The following SLC24A3 variants were observed in gnomAD, a reference collection of about 807,000 sequenced individuals.
The protein encoded by SLC24A3 is sodium/potassium/calcium exchanger 3.
SLC24A3 carries 28 observed loss-of-function variants against 75.8 expected under a neutral mutation model. The observed-to-expected ratio is 0.37, with a 90% CI of 0.27 to 0.51. The LOEUF (loss-of-function observed/expected upper bound fraction) is 0.51, where lower values mean the gene tolerates loss of function less well. Among genes scored for constraint, SLC24A3 ranks in the 20% least tolerant of loss-of-function variants. The probability of loss-of-function intolerance (pLI) is 0.94; values close to 1 mark genes in which losing one functional copy is unlikely to be tolerated. For missense variants in SLC24A3, 663 were observed against 847.8 expected (o/e 0.78, Z 2.71); for synonymous variants, 372 against 334.1 (o/e 1.11, Z -1.24).
At chr20:19,252,647 G>GGGGT (rs1555783975) in intron 1 of SLC24A3, among the ~76,000 whole-genome samples, 2 of 148,088 alleles carry the variant, frequency 1.4e-5, no homozygotes, top group African/African-American at 5.1e-5. Context: ...GAATGGCGGG[G>GGGGT]GGGGGTGCCT....
intron 2 of SLC24A3, among the ~76,000 whole-genome samples, chr20:19,359,776 C>A (rs1289760353): frequency 2.0e-5 from 3 of 152,088 alleles, no homozygotes; most frequent in Non-Finnish European, 4.4e-5. Flanking sequence ...TTGGGGATGG[C>A]TTAGTTAGGG....
chr20:19,288,593 A>C (rs1286873568), intron 2 of SLC24A3, among the ~76,000 whole-genome samples: 1 of 152,182 alleles, frequency 6.6e-6, no homozygotes, highest in Non-Finnish European at 1.5e-5. Flanking sequence ...AGCTCATTGG[A>C]ACATGTTTGG....
intron 2 of SLC24A3, among the ~76,000 whole-genome samples, chr20:19,464,056 T>A (rs1366490590): frequency 6.6e-6 from 1 of 152,162 alleles, no homozygotes; most frequent in African/African-American, 2.4e-5. Flanking sequence ...CATTGGAAGT[T>A]AGTAGTTTTT....
chr20:19,422,714 C>T (rs960941482), intron 2 of SLC24A3, among the ~76,000 whole-genome samples: 1 of 152,160 alleles, frequency 6.6e-6, no homozygotes, highest in Admixed American at 6.5e-5. Context: ...CAATGAGCAG[C>T]CACAGCTTAT....
chr20:19,343,410 G>A (rs1458650204), intron 2 of SLC24A3, among the ~76,000 whole-genome samples: 1 of 152,192 alleles, frequency 6.6e-6, no homozygotes, highest in African/African-American at 2.4e-5. Flanking sequence ...TATGGGGGAA[G>A]GTTAAATGAA....
At chr20:19,352,632 CCT>C (rs1483281998) in intron 2 of SLC24A3, among the ~76,000 whole-genome samples, 1 of 152,132 alleles carries the variant, frequency 6.6e-6, no homozygotes, top group East Asian at 1.9e-4. Flanking sequence ...AACTCAGATC[CCT>C]CTTTCTTGGT....
chr20:19,641,658 G>A (rs1427895668), intron 6 of SLC24A3, among the ~76,000 whole-genome samples: 1 of 152,142 alleles, frequency 6.6e-6, no homozygotes, highest in Admixed American at 6.5e-5. Context: ...GGGAGCAGTG[G>A]TCTCAGTCCC....
Position 19,218,828 on chromosome 20 carries a change from T to C in SLC24A3, c.142+5844T>C, listed in dbSNP as rs371146889. On this transcript the variant is annotated intron_variant, in intron 1 of 16. Coordinates refer to ENST00000328041, the MANE Select transcript of SLC24A3 (RefSeq NM_020689.4). ...ATTTTGGCAATTTTCTTTTTCTGTA[T>C]GGAGGTTTCTTTTCCTTGAGTGAAA... Among the ~76,000 whole-genome samples, 22 of 152,242 alleles carry C rather than the reference T, an allele frequency of 1.4e-4. No homozygotes were observed. In the East Asian group the frequency reaches 2.1e-3, roughly 15 times the overall value.
chr20:19,534,573 G>A (rs998959936), intron 3 of SLC24A3, among the ~76,000 whole-genome samples: 9 of 152,114 alleles, frequency 5.9e-5, no homozygotes, highest in Non-Finnish European at 8.8e-5. Flanking sequence ...ACCACGCCTG[G>A]CTAATTTGTT....
chr20:19,612,769 TG>T (rs2031688058), intron 6 of SLC24A3, among the ~76,000 whole-genome samples: 1 of 152,208 alleles, frequency 6.6e-6, no homozygotes, highest in African/African-American at 2.4e-5. Flanking sequence ...GGGCTCTCCC[TG>T]TTTCTTTCCT....
chr20:19,704,505 G>A (rs1443363970), intron 15 of SLC24A3, among the ~76,000 whole-genome samples: 1 of 152,222 alleles, frequency 6.6e-6, no homozygotes, highest in East Asian at 1.9e-4. Flanking sequence ...TCCTCTTAGA[G>A]TATACATTGA....
At chr20:19,439,284 C>T (rs1237848394) in intron 2 of SLC24A3, among the ~76,000 whole-genome samples, 2 of 152,208 alleles carry the variant, frequency 1.3e-5, no homozygotes, top group African/African-American at 2.4e-5. Context: ...TCTTGAGAAA[C>T]GTTCCTTTAC....
intron 2 of SLC24A3, among the ~76,000 whole-genome samples, chr20:19,492,263 C>T (rs889809504): frequency 6.6e-6 from 1 of 152,192 alleles, no homozygotes; most frequent in Admixed American, 6.5e-5. Context: ...TAGTTAAAAG[C>T]CTGGGCTCTG....
intron 9 of SLC24A3, among the ~76,000 whole-genome samples, chr20:19,675,241 A>G (rs571011474): frequency 6.6e-6 from 1 of 152,280 alleles, no homozygotes; most frequent in African/African-American, 2.4e-5. Context: ...CTTTTCCTCT[A>G]AATTAGCCCA....
rs534469832 is a variant in SLC24A3 at position 19,534,025 on chromosome 20, CTCTA to C, written c.348+18465_348+18468del. Among the ~76,000 whole-genome samples, 666 of 152,370 alleles carry C rather than the reference CTCTA, an allele frequency of 4.4e-3. 3 individuals carry two copies. Among genetic ancestry groups the C allele is most frequent in the Non-Finnish European group, 7.0e-3 (478 of 68,038 alleles). On this transcript the variant is annotated intron_variant, in intron 3 of 16. Transcript: ENST00000328041. ...AGTGGTGTTTGCAGGGTTCAGTTGA[CTCTA>C]TCTGTTATGCTCATTTGTCTGAGAT...
rs574356487 is a variant in SLC24A3 at position 19,684,486 on chromosome 20, G to A, written c.1062+150G>A. On this transcript the variant is annotated intron_variant, in intron 11 of 16. Transcript: ENST00000328041. The stretch of plus-strand genomic sequence containing the variant: ...CCATTTCCTAATCTTAGTTCCCTGG[G>A]CCAGCTGTATATCTGGCCCTTGCTC... 1.2e-5 allele frequency: 11 copies of A among 912,310 alleles called. No homozygotes were observed. The East Asian group carries it at 3.0e-4, about 25-fold the overall frequency. The allele number at this position is 912,310 out of a possible 1,614,324, so 56.5% of individuals were successfully genotyped here.
chr20:19,436,662 C>T (rs73900123), intron 2 of SLC24A3, among the ~76,000 whole-genome samples: 4,185 of 152,262 alleles, frequency 0.027, 167 homozygotes, highest in East Asian at 0.1. Flanking sequence ...CACAGGCAGC[C>T]GGGTCCAGGG....
At chr20:19,590,073 A>C (rs2031352210) in intron 6 of SLC24A3, among the ~76,000 whole-genome samples, 1 of 151,980 alleles carries the variant, frequency 6.6e-6, no homozygotes, top group African/African-American at 2.4e-5. Flanking sequence ...ACACATCAGC[A>C]AAATGGTGGT....
At chr20:19,464,793 A>G (rs1437176112) in intron 2 of SLC24A3, among the ~76,000 whole-genome samples, 4 of 152,246 alleles carry the variant, frequency 2.6e-5, no homozygotes, top group Non-Finnish European at 5.9e-5. Context: ...ACTGAGGTCT[A>G]TAAATGCACC....
Sources: gnomAD v4.1 joint callset for allele counts (sites outside exome capture counted in the v4.1 genomes callset) on GRCh38, gnomAD v4.1.1 for gene constraint, MANE v1.5 for transcripts, NCBI Gene and HGNC (gene_info 2026-07-23, HGNC 2026-07-21) for gene names.